The following PREX1 variants were observed in gnomAD, a reference collection of about 807,000 sequenced individuals.
PREX1 encodes phosphatidylinositol 3,4,5-trisphosphate-dependent Rac exchanger 1 protein.
In PREX1, 41 loss-of-function variants were observed where a neutral mutation model predicts 198.3. The ratio of observed to expected loss-of-function variants is 0.21; its 90% CI spans 0.16 to 0.27. The LOEUF (loss-of-function observed/expected upper bound fraction) is 0.27. Among genes scored for constraint, PREX1 ranks in the 10% least tolerant of loss-of-function variants. The probability of loss-of-function intolerance (pLI) is 1.00; values close to 1 mark genes in which losing one functional copy is unlikely to be tolerated. For missense variants in PREX1, 1,620 were observed against 2,200.7 expected (o/e 0.74, Z 5.28); for synonymous variants, 843 against 887.2 (o/e 0.95, Z 0.89).
At chr20:48,880,420 G>A in the PREX1 span, among the ~76,000 whole-genome samples, 6 of 152,174 alleles carry the variant, frequency 3.9e-5, no homozygotes, top group Admixed American at 1.3e-4. Flanking sequence ...CAGAGCTGAT[G>A]TGGTAGCTCC....
At chr20:48,829,947 T>C (rs1010370427), upstream of PREX1, among the ~76,000 whole-genome samples, 1 of 152,194 alleles carries the variant, frequency 6.6e-6, no homozygotes, top group Non-Finnish European at 1.5e-5. Flanking sequence ...CTTGGGACTA[T>C]TGACATTTGG....
At position 48,649,504 on chromosome 20, in the gene PREX1, G is replaced by A; in HGVS notation, c.3101C>T (p.Pro1034Leu). 2 of 1,614,044 alleles carry A rather than the reference G, an allele frequency of 1.2e-6. No homozygotes were observed. The highest frequency in any genetic ancestry group is 8.5e-7 in the Non-Finnish European group (1 of 1,179,970). Residue 1034 changes from proline (P) to leucine (L), a missense_variant, in exon 25 of 40, where the codon CCT (proline) becomes CTT (leucine). Pro to Leu is a moderately conservative substitution (Grantham distance 98, BLOSUM62 -3). Transcript: ENST00000371941. ...TMAAPSWKCL[P>L]AAEGDPQGQG... is the part of the protein sequence containing the mutation. ...GCCTTGGGGATCACCCTCTGCAGCA[G>A]GCAAGCACTTCCAGGAGGGAGCAGC...
At chr20:48,783,841 C>T (rs551786123) in intron 1 of PREX1, among the ~76,000 whole-genome samples, 20 of 152,288 alleles carry the variant, frequency 1.3e-4, no homozygotes, top group Non-Finnish European at 2.6e-4. Context: ...CTTCAAAATA[C>T]CCCAAATGAG....
At chr20:48,649,877 T>A (rs1333097665) in intron 24 of PREX1, 119 bp downstream of exon 24, 1 of 1,209,660 alleles carries the variant, frequency 8.3e-7, no homozygotes, top group Non-Finnish European at 1.2e-6. Context: ...GAGAAGGTCA[T>A]CCCTGATGAC....
At chr20:48,765,004 G>A (rs919152908) in intron 1 of PREX1, among the ~76,000 whole-genome samples, 8 of 152,018 alleles carry the variant, frequency 5.3e-5, no homozygotes, top group Admixed American at 3.9e-4. Context: ...TTTCAGCCCC[G>A]TAAGACCCAG....
intron 1 of PREX1, among the ~76,000 whole-genome samples, chr20:48,775,854 C>T (rs2090258765): frequency 1.3e-5 from 2 of 152,150 alleles, no homozygotes; most frequent in Admixed American, 1.3e-4. Context: ...AAACCTCTTG[C>T]TTTTGTAAAT....
chr20:48,730,584 G>A (rs546504555), intron 4 of PREX1, among the ~76,000 whole-genome samples: 1 of 152,238 alleles, frequency 6.6e-6, no homozygotes, highest in Admixed American at 6.5e-5. Flanking sequence ...CTTCTGGAGT[G>A]ATGGGAATGT....
intron 1 of PREX1, among the ~76,000 whole-genome samples, chr20:48,820,659 A>C (rs964792500): frequency 6.6e-6 from 1 of 152,028 alleles, no homozygotes; most frequent in Non-Finnish European, 1.5e-5. Context: ...ACACCCAACC[A>C]CCTCTAGTGG....
At chr20:48,699,416 T>G (rs1455444825) in intron 7 of PREX1, among the ~76,000 whole-genome samples, 1 of 152,072 alleles carries the variant, frequency 6.6e-6, no homozygotes, top group Non-Finnish European at 1.5e-5. Flanking sequence ...CATGAAAACT[T>G]AAGGTCAGGA....
At chr20:48,698,785 G>A (rs2089860076) in intron 7 of PREX1, among the ~76,000 whole-genome samples, 2 of 152,214 alleles carry the variant, frequency 1.3e-5, no homozygotes, top group South Asian at 2.1e-4. Flanking sequence ...CCAGAGCCAA[G>A]TTAACAACAA....
At position 48,630,777 on chromosome 20, in the gene PREX1, C is replaced by T. The variant is rs1414008309; in HGVS notation, c.4544G>A (p.Arg1515Gln). The T allele has an allele frequency of 4.4e-6, 7 of 1,590,350 alleles. No homozygotes were observed. The highest frequency in any genetic ancestry group is 2.2e-5 in the South Asian group (2 of 90,544). ...GCTGGCATCCGTGGGCAGGTTAGAC[C>T]GCTCCAGGTAAAATGCCCTGCGAGA... Reference protein sequence around the residue: ...YRKLRAFYLERSNLPTDASTT... With the variant: ...YRKLRAFYLEQSNLPTDASTT... Residue 1515 changes from arginine to glutamine, a missense_variant, in exon 36 of 40, where the codon CGG becomes CAG. By Grantham distance (43) the Arg-to-Gln change is conservative (BLOSUM62 1). This residue lies in a region of PREX1 where 476 missense variants were observed against 603.4 expected (regional missense o/e 0.79). Transcript: ENST00000371941.
intron 32 of PREX1, among the ~76,000 whole-genome samples, chr20:48,635,449 G>A (rs564772778): frequency 2.9e-4 from 44 of 152,126 alleles, no homozygotes; most frequent in Non-Finnish European, 5.7e-4. Context: ...ACCCTCCACT[G>A]CTTCCAGATT....
intron 15 of PREX1, among the ~76,000 whole-genome samples, chr20:48,665,464 T>TGGCCTGAATTCTAATCCCGACTCCAGAC (rs2089632169): frequency 1.6e-5 from 2 of 128,088 alleles, no homozygotes; most frequent in East Asian, 4.8e-4. Flanking sequence ...TGGCTCCAGA[T>TGGCCTGAATTCTAATCCCGACTCCAGAC]GGCCTGAATT....
chr20:48,656,462 C>T (rs1467184281), intron 18 of PREX1: 2 of 456,614 alleles, frequency 4.4e-6, no homozygotes, highest in Non-Finnish European at 8.8e-6. Flanking sequence ...ACTACCCAGC[C>T]CTCCCTCTCA....
intron 5 of PREX1, among the ~76,000 whole-genome samples, chr20:48,722,941 C>T (rs1370504718): frequency 2.0e-5 from 3 of 152,208 alleles, no homozygotes; most frequent in South Asian, 4.1e-4. Flanking sequence ...GACAGTCAGG[C>T]CCCCCACCGG....
chr20:48,662,675 C>A (rs566739254), intron 15 of PREX1, among the ~76,000 whole-genome samples: 2 of 152,370 alleles, frequency 1.3e-5, no homozygotes, highest in African/African-American at 2.4e-5. Flanking sequence ...TCAAAAGGTG[C>A]CACAGAGGCC....
chr20:48,805,255 A>T (rs370400883), intron 1 of PREX1, among the ~76,000 whole-genome samples: 2 of 152,180 alleles, frequency 1.3e-5, no homozygotes, highest in African/African-American at 4.8e-5. Context: ...TGCTCCAAAG[A>T]GGTAGGTAGG....
chr20:48,768,435 C>T (rs73258449), intron 1 of PREX1, among the ~76,000 whole-genome samples: 2,239 of 152,248 alleles, frequency 0.015, 56 homozygotes, highest in African/African-American at 0.05. Context: ...TGCAGCCACC[C>T]GTGGGATTCC....
chr20:48,804,827 GA>G (rs1165505679), intron 1 of PREX1, among the ~76,000 whole-genome samples: 1 of 152,158 alleles, frequency 6.6e-6, no homozygotes, highest in African/African-American at 2.4e-5. Context: ...GATGTAAGAG[GA>G]AGAGTGGCGT....
Sources: gnomAD v4.1 joint callset for allele counts (sites outside exome capture counted in the v4.1 genomes callset) on GRCh38, gnomAD v4.1.1 for gene constraint, gnomAD v4.1.1 regional missense constraint, MANE v1.5 for transcripts, NCBI Gene and HGNC (gene_info 2026-07-23, HGNC 2026-07-21) for gene names.